The following ZCCHC17 variants were observed in gnomAD, a reference collection of about 807,000 sequenced individuals.
ZCCHC17 encodes zinc finger CCHC-type containing 17.
In ZCCHC17, 18 loss-of-function variants were observed where a neutral mutation model predicts 30.6. The ratio of observed to expected loss-of-function variants is 0.59; its 90% CI spans 0.41 to 0.87. The LOEUF is 0.87. ZCCHC17 is among the 40% of genes least tolerant of loss of function. The pLI is 0.00. For missense variants in ZCCHC17, 263 were observed against 284.2 expected (o/e 0.93, Z 0.54); for synonymous variants, 88 against 92.4 (o/e 0.95, Z 0.27).
chr1:31,364,072 A>T lies in ZCCHC17; in HGVS notation c.605A>T (p.Asp202Val), dbSNP rs767413517. 5 of 1,613,802 alleles carry T rather than the reference A, an allele frequency of 3.1e-6. No homozygotes were observed. Among genetic ancestry groups the T allele is most frequent in the Non-Finnish European group, 4.2e-6 (5 of 1,179,860 alleles). The change falls in exon 8 of 8, where the codon GAC becomes GTC. Residue 202 changes from aspartate to valine, a missense_variant. Transcript: ENST00000344147. ...AAACATAGAGATAGGAAGTCATCTG[A>T]CTCTGACAGCTCAGACTCTGAGAGT... is the stretch of plus-strand genomic sequence containing the variant. ...KKKHRDRKSS[D>V]SDSSDSESDT...
At chr1:31,329,301 C>T (rs994842619) in intron 3 of ZCCHC17, among the ~76,000 whole-genome samples, 5 of 152,132 alleles carry the variant, frequency 3.3e-5, no homozygotes. Context: ...AAAACAGCTA[C>T]ATGACTAGTG....
chr1:31,310,329 C>A (rs373182489), intron 2 of ZCCHC17, among the ~76,000 whole-genome samples, 165 bp downstream of exon 2: 16 of 152,230 alleles, frequency 1.1e-4, no homozygotes, highest in African/African-American at 3.9e-4. Flanking sequence ...CTCTAAGCTC[C>A]AGATATTTAA....
intron 3 of ZCCHC17, among the ~76,000 whole-genome samples, chr1:31,321,652 A>G (rs1162944433): frequency 6.6e-6 from 1 of 152,122 alleles, no homozygotes; most frequent in Non-Finnish European, 1.5e-5. Flanking sequence ...TTTTTAGTAG[A>G]GGCAGGGTTT....
At chr1:31,298,242 A>C (rs1646215816) in intron 1 of ZCCHC17, among the ~76,000 whole-genome samples, 1 of 152,178 alleles carries the variant, frequency 6.6e-6, no homozygotes. Flanking sequence ...GGTTGATTTT[A>C]GGGAGTGAAG....
chr1:31,329,631 T>G (rs537858424), intron 3 of ZCCHC17, among the ~76,000 whole-genome samples: 1 of 152,134 alleles, frequency 6.6e-6, no homozygotes, highest in African/African-American at 2.4e-5. Flanking sequence ...TAAAAATGAG[T>G]GTTGTTGCAC....
intron 2 of ZCCHC17, 41 bp from the exon 3 acceptor site, chr1:31,319,068 C>T: frequency 6.3e-7 from 1 of 1,583,234 alleles, no homozygotes; most frequent in South Asian, 1.1e-5. Flanking sequence ...AAGAAAGATT[C>T]TCATGTATGT....
At chr1:31,361,406 G>T (rs530059735) in intron 7 of ZCCHC17, among the ~76,000 whole-genome samples, 2 of 152,146 alleles carry the variant, frequency 1.3e-5, no homozygotes, top group African/African-American at 4.8e-5. Context: ...TGCTTATCTT[G>T]TTTAAACCTC....
At chr1:31,307,859 GC>G (rs1156286612) in intron 1 of ZCCHC17, among the ~76,000 whole-genome samples, 1 of 152,218 alleles carries the variant, frequency 6.6e-6, no homozygotes, top group Non-Finnish European at 1.5e-5. Context: ...ACAGGCGTGA[GC>G]CACTGCACCT....
intron 1 of ZCCHC17, 60 bp from the exon 2 acceptor site, chr1:31,309,984 G>A (rs1039138121): frequency 3.3e-6 from 3 of 912,632 alleles, no homozygotes; most frequent in Non-Finnish European, 5.2e-6. Flanking sequence ...TGGATTGTCT[G>A]CATATTCATT....
intron 2 of ZCCHC17, among the ~76,000 whole-genome samples, chr1:31,311,228 A>G (rs1291253067): frequency 6.6e-6 from 1 of 152,068 alleles, no homozygotes; most frequent in East Asian, 1.9e-4. Context: ...CTTGGCCTAG[A>G]ATAAGATTTT....
In ZCCHC17 at chr1:31,346,630, T is replaced by G; in HGVS notation, c.318-10T>G. 6.3e-7 allele frequency: 1 copy of G among 1,598,738 alleles called. No homozygotes were observed. Among genetic ancestry groups the G allele is most frequent in the East Asian group, 2.2e-5 (1 of 44,482 alleles). The stretch of plus-strand genomic sequence containing the variant: ...AAGGGGGCCGGCAGTCGGTATCTTT[T>G]TCATTATAGGCAAGAAGAGAGGCGG... On this transcript the variant is annotated splice_polypyrimidine_tract_variant and intron_variant, in intron 5 of 7. Transcript: ENST00000344147.
intron 3 of ZCCHC17, among the ~76,000 whole-genome samples, chr1:31,325,261 C>T (rs529196861): frequency 2.0e-5 from 3 of 152,354 alleles, no homozygotes; most frequent in East Asian, 1.9e-4. Context: ...AATAAAGCAA[C>T]TCTTTGCCTT....
intron 5 of ZCCHC17, among the ~76,000 whole-genome samples, chr1:31,346,349 C>G (rs1482937640): frequency 6.6e-6 from 1 of 152,156 alleles, no homozygotes; most frequent in African/African-American, 2.4e-5. Context: ...CTTTGAAGGT[C>G]TTTTAAACCT....
rs36008834 is a variant in ZCCHC17 at position 31,339,960 on chromosome 1, C to CTTTTTTTTTTTTTTTTTTTTTTTTTTTT, written c.317+936_317+937insTTTTTTTTTTTTTTTTTTTTTTTTTTTT. 2.2e-5 allele frequency among the ~76,000 whole-genome samples: 2 copies of CTTTTTTTTTTTTTTTTTTTTTTTTTTTT among 90,424 alleles called. 1 individual carries two copies. Among genetic ancestry groups the CTTTTTTTTTTTTTTTTTTTTTTTTTTTT allele is most frequent in the Non-Finnish European group, 4.5e-5 (2 of 44,908 alleles). The allele number at this position is 90,424 out of a possible 152,430, so 59.3% of individuals were successfully genotyped here. ...TCTGTCTCAAGTCTTTCTTGGATTTCTTTTTTTTTTTTTTTTTTTTTTTTG... is the reference window on the plus strand; with the variant it reads ...TCTGTCTCAAGTCTTTCTTGGATTTCTTTTTTTTTTTTTTTTTTTTTTTTTTTTTTTTTTTTTTTTTTTTTTTTTTTTG... On this transcript the variant is annotated intron_variant, in intron 5 of 7. Transcript: ENST00000344147.
intron 1 of ZCCHC17, among the ~76,000 whole-genome samples, chr1:31,300,456 T>C (rs1410863735): frequency 6.6e-6 from 1 of 152,202 alleles, no homozygotes. Flanking sequence ...AAGTCTGTTA[T>C]TGCAATACAT....
chr1:31,330,963 A>G (rs1326402458), intron 3 of ZCCHC17, among the ~76,000 whole-genome samples: 1 of 152,158 alleles, frequency 6.6e-6, no homozygotes, highest in Non-Finnish European at 1.5e-5. Flanking sequence ...TCCCTCCCAT[A>G]CAGAGTATAG....
chr1:31,313,649 G>T (rs181649160), intron 2 of ZCCHC17, among the ~76,000 whole-genome samples: 47 of 152,130 alleles, frequency 3.1e-4, no homozygotes, highest in African/African-American at 1.1e-3. Context: ...TTTCTTTATG[G>T]CTCATGGTAT....
chr1:31,355,504 T>G (rs914030313), intron 7 of ZCCHC17, among the ~76,000 whole-genome samples: 1 of 152,148 alleles, frequency 6.6e-6, no homozygotes, highest in East Asian at 1.9e-4. Flanking sequence ...AAAATGGAGC[T>G]TCAGAGAAAT....
chr1:31,338,347 T>C (rs1638902331), intron 4 of ZCCHC17, among the ~76,000 whole-genome samples: 1 of 151,974 alleles, frequency 6.6e-6, no homozygotes, highest in African/African-American at 2.4e-5. Context: ...TCAAACACTA[T>C]TGGAAGAAGA....
Sources: allele counts gnomAD v4.1 joint callset (sites outside exome capture counted in the v4.1 genomes callset), GRCh38; gene constraint gnomAD v4.1.1; transcripts MANE v1.5; gene names NCBI Gene and HGNC (gene_info 2026-07-23, HGNC 2026-07-21).